PAN3: variants seen among roughly 807,000 people sequenced by gnomAD.
PAN3 encodes the protein PAN2-PAN3 deadenylation complex subunit PAN3.
Under a neutral mutation model 96.2 loss-of-function variants are expected in PAN3, and 19 were observed. The ratio of observed to expected loss-of-function variants is 0.20; its 90% CI spans 0.14 to 0.29. PAN3 has a LOEUF of 0.29. PAN3 is among the 10% of genes least tolerant of loss of function. The pLI is 1.00. For synonymous variants in PAN3, 433 were observed against 406.6 expected (o/e 1.06, Z -0.78); for missense variants, 882 against 1,108.1 (o/e 0.80, Z 2.90).
chr13:28,146,185 CTG>C (rs753544427), intron 1 of PAN3, among the ~76,000 whole-genome samples: 7 of 151,476 alleles, frequency 4.6e-5, no homozygotes, highest in Admixed American at 2.0e-4. Flanking sequence ...TATTAATAGT[CTG>C]TGTGTTTAGA....
chr13:28,272,457 G>A (rs1023989686), intron 14 of PAN3: 8 of 155,062 alleles, frequency 5.2e-5, no homozygotes, highest in Non-Finnish European at 7.1e-5. Context: ...TTTATTTTTT[G>A]TAGAGATAGA....
At chr13:28,150,533 AG>A (rs1473154498) in intron 1 of PAN3, among the ~76,000 whole-genome samples, 2 of 151,236 alleles carry the variant, frequency 1.3e-5, no homozygotes, top group Non-Finnish European at 2.9e-5. Context: ...GCTACTCGGG[AG>A]GCTGAGGCAG....
chr13:28,138,672 C>T lies in PAN3; in HGVS notation c.15C>T (p.Gly5=). Residue 5 remains glycine (G), a synonymous_variant, in exon 1 of 19, where the codon GGC becomes GGT. Transcript: ENST00000380958. MNSG[G]GLPPPSAAAS... is the part of the protein sequence containing the mutation. ...GCGGCGTTGCCATGAACAGTGGCGG[C>T]GGCCTCCCGCCCCCCTCGGCCGCCG... 2 of 786,538 alleles carry T rather than the reference C, an allele frequency of 2.5e-6. No homozygotes were observed. Among genetic ancestry groups the T allele is most frequent in the South Asian group, 2.8e-5 (1 of 35,782 alleles). The allele number at this position is 786,538 out of a possible 1,614,324, so 48.7% of individuals were successfully genotyped here.
At chr13:28,272,171 T>G (rs1183710874) in intron 14 of PAN3, 100 bp downstream of exon 14, 3 of 830,836 alleles carry the variant, frequency 3.6e-6, no homozygotes, top group Non-Finnish European at 5.4e-6. Flanking sequence ...AGATTTTAAT[T>G]TATTTTGGGG....
chr13:28,167,801 G>A (rs184776240), intron 1 of PAN3, among the ~76,000 whole-genome samples: 51 of 152,042 alleles, frequency 3.4e-4, no homozygotes, highest in African/African-American at 1.2e-3. Flanking sequence ...CTTAGATTGC[G>A]CCACCGCACT....
At chr13:28,155,885 A>G (rs1022426491) in intron 1 of PAN3, among the ~76,000 whole-genome samples, 5 of 152,196 alleles carry the variant, frequency 3.3e-5, no homozygotes, top group Non-Finnish European at 5.9e-5. Flanking sequence ...AGGAAGCTCT[A>G]TTCATAGTTT....
chr13:28,196,571 GT>G (rs890720815), intron 4 of PAN3, among the ~76,000 whole-genome samples: 99 of 145,234 alleles, frequency 6.8e-4, no homozygotes, highest in African/African-American at 1.9e-3. Flanking sequence ...TTAGTCTGAG[GT>G]TTTTTTTTTT....
chr13:28,223,820 T>G (rs1484156679), intron 6 of PAN3, among the ~76,000 whole-genome samples: 2 of 151,814 alleles, frequency 1.3e-5, no homozygotes, highest in Non-Finnish European at 2.9e-5. Flanking sequence ...ATGAATGTGC[T>G]TAATATATGA....
chr13:28,262,283 G>A (rs566520153), intron 9 of PAN3, among the ~76,000 whole-genome samples: 1 of 152,164 alleles, frequency 6.6e-6, no homozygotes, highest in African/African-American at 2.4e-5. Context: ...TTCTTAAAGC[G>A]TATTAAAGTA....
At chr13:28,236,496 C>G (rs1260330194) in intron 6 of PAN3, among the ~76,000 whole-genome samples, 4 of 151,944 alleles carry the variant, frequency 2.6e-5, no homozygotes, top group Non-Finnish European at 4.4e-5. Context: ...TAAATTTTAT[C>G]TGATTTGAAT....
At chr13:28,240,345 C>T (rs1883543057) in intron 6 of PAN3, among the ~76,000 whole-genome samples, 1 of 152,086 alleles carries the variant, frequency 6.6e-6, no homozygotes. Context: ...TACAGGGATA[C>T]AGTGGATTGT....
At chr13:28,291,262 G>A (rs1869712112) in intron 18 of PAN3, among the ~76,000 whole-genome samples, 1 of 152,046 alleles carries the variant, frequency 6.6e-6, no homozygotes, top group Admixed American at 6.5e-5. Flanking sequence ...ATCAATTAAT[G>A]AAATAAAGTA....
At chr13:28,241,526 AGTG>A (rs1262676752) in intron 6 of PAN3, among the ~76,000 whole-genome samples, 3 of 152,256 alleles carry the variant, frequency 2.0e-5, no homozygotes, top group African/African-American at 4.8e-5. Flanking sequence ...TGAAATAACA[AGTG>A]GTGGTGGCAG....
chr13:28,187,142 C>T (rs1876584208), intron 4 of PAN3, among the ~76,000 whole-genome samples: 1 of 151,984 alleles, frequency 6.6e-6, no homozygotes, highest in Non-Finnish European at 1.5e-5. Flanking sequence ...GCCTGGGCAA[C>T]ATGGCGAAAC....
intron 4 of PAN3, among the ~76,000 whole-genome samples, chr13:28,196,845 A>T (rs1050730732): frequency 1.3e-5 from 2 of 152,218 alleles, no homozygotes; most frequent in Non-Finnish European, 2.9e-5. Context: ...TAGGTAAGTG[A>T]CAGTAGAAAA....
intron 6 of PAN3, among the ~76,000 whole-genome samples, chr13:28,239,201 G>GCGCGCA (rs1555286477): frequency 3.9e-5 from 4 of 101,290 alleles, no homozygotes; most frequent in African/African-American, 1.5e-4. Flanking sequence ...ATGCACACAC[G>GCGCGCA]CACACACACA....
intron 18 of PAN3, among the ~76,000 whole-genome samples, chr13:28,290,407 C>G (rs1869599644): frequency 6.6e-6 from 1 of 152,150 alleles, no homozygotes; most frequent in African/African-American, 2.4e-5. Context: ...ACTGGCCAGG[C>G]TCGGTGTCTC....
chr13:28,220,343 C>T lies in PAN3; in HGVS notation c.965C>T (p.Ser322Phe). Residue 322 changes from serine to phenylalanine, a missense_variant, in exon 6 of 19, where the codon TCC becomes TTC. Ser to Phe is a radical substitution (Grantham distance 155, BLOSUM62 -2). Transcript: ENST00000380958. Reference protein sequence around the residue: ...SAFSQVFSHPSMGSPATAGLA... With the variant: ...SAFSQVFSHPFMGSPATAGLA... Reference sequence around the variant, plus strand: ...TTCTCTCAAGTTTTCTCTCACCCATCCATGGGAAGCCCTGCTACTGCTGGA... The same window carrying T: ...TTCTCTCAAGTTTTCTCTCACCCATTCATGGGAAGCCCTGCTACTGCTGGA... 6.2e-7 allele frequency: 1 copy of T among 1,613,706 alleles called. No homozygotes were observed. Among genetic ancestry groups the T allele is most frequent in the East Asian group, 2.2e-5 (1 of 44,852 alleles).
chr13:28,191,868 T>G (rs1877304907), intron 4 of PAN3, among the ~76,000 whole-genome samples: 1 of 151,776 alleles, frequency 6.6e-6, no homozygotes, highest in Admixed American at 6.6e-5. Context: ...GGCTCCAGAG[T>G]AGGTGGGACT....
Sources: allele counts gnomAD v4.1 joint callset (sites outside exome capture counted in the v4.1 genomes callset), GRCh38; gene constraint gnomAD v4.1.1; transcripts MANE v1.5; gene names NCBI Gene and HGNC (gene_info 2026-07-23, HGNC 2026-07-21).